Variants in DDX11 observed in about 807,000 individuals in gnomAD.
The protein encoded by DDX11 is ATP-dependent DNA helicase DDX11.
A neutral mutation model predicts 125.2 loss-of-function variants in DDX11; 72 were observed. The ratio of observed to expected loss-of-function variants is 0.58; its 90% confidence interval spans 0.48 to 0.70. The LOEUF (loss-of-function observed/expected upper bound fraction) is 0.70. Among genes scored for constraint, DDX11 ranks in the 30% least tolerant of loss-of-function variants. The pLI, the probability that DDX11 is intolerant of heterozygous loss-of-function variation, is 0.00. For missense variants in DDX11, 883 were observed against 1,165.0 expected (o/e 0.76, Z 3.52); for synonymous variants, 347 against 452.6 (o/e 0.77, Z 2.96).
intron 17 of DDX11, 95 bp downstream of exon 17, chr12:31,097,085 G>A: frequency 6.5e-7 from 1 of 1,538,698 alleles, no homozygotes; most frequent in Non-Finnish European, 8.8e-7. Flanking sequence ...CTTCCATCCT[G>A]GGAACTTCCT....
intron 5 of DDX11, chr12:31,086,023 A>G (rs1487970869): frequency 2.2e-6 from 1 of 454,314 alleles, no homozygotes; most frequent in South Asian, 1.6e-5. Context: ...GTCTGTCTGC[A>G]GGGCGCCTTC....
chr12:31,094,527 G>A, intron 12 of DDX11, 63 bp from the exon 13 acceptor site: 2 of 1,436,220 alleles, frequency 1.4e-6, no homozygotes, highest in Non-Finnish European at 9.5e-7. Flanking sequence ...AGGGAGAGAA[G>A]ATAGGGAAGG....
chr12:31,079,421 G>A (rs1430379548), intron 2 of DDX11, among the ~76,000 whole-genome samples: 1 of 140,348 alleles, frequency 7.1e-6, no homozygotes, highest in Non-Finnish European at 1.5e-5. Context: ...GAAAGTTGAA[G>A]ATCCAGATTC....
chr12:31,089,820 C>T (rs1224856153), intron 8 of DDX11, 66 bp from the exon 9 acceptor site: 1 of 1,564,346 alleles, frequency 6.4e-7, no homozygotes, highest in Non-Finnish European at 8.7e-7. Context: ...TACACAACCC[C>T]CTCTTGGGCC....
intron 11 of DDX11, 35 bp from the exon 12 acceptor site, chr12:31,093,210 G>A (rs758746141): frequency 2.0e-5 from 32 of 1,594,988 alleles, no homozygotes; most frequent in Non-Finnish European, 2.5e-5. Flanking sequence ...CGCCATCAGG[G>A]CACCACCACT....
intron 2 of DDX11, among the ~76,000 whole-genome samples, chr12:31,079,762 A>G (rs1427113616): frequency 2.0e-5 from 3 of 152,174 alleles, no homozygotes; most frequent in Non-Finnish European, 4.4e-5. Context: ...GGCTGGCAAG[A>G]TCCAAGATTA....
intron 3 of DDX11, 38 bp downstream of exon 3, chr12:31,084,099 G>T (rs1397862520): frequency 1.2e-5 from 20 of 1,610,278 alleles, no homozygotes; most frequent in Non-Finnish European, 1.4e-5. Context: ...AGTACTGGAG[G>T]AAACAGGGCT....
At chr12:31,090,809 A>G (rs1301246406) in intron 9 of DDX11, among the ~76,000 whole-genome samples, 2 of 152,234 alleles carry the variant, frequency 1.3e-5, no homozygotes, top group Non-Finnish European at 2.9e-5. Flanking sequence ...TTTGCACAGC[A>G]GCTAAATGCT....
chr12:31,088,026 G>T lies in DDX11; in HGVS notation c.684+43G>T, dbSNP rs7309189. On this transcript the variant is annotated intron_variant, in intron 6 of 26. Coordinates refer to ENST00000542838, the MANE Select transcript of DDX11 (RefSeq NM_030653.4). ...AGCTGGTGCTGTGCTGGGGGTATAG[G>T]CTGGGCTGTGCACCCCTGGGGAGGA... 3 of 1,599,706 alleles carry T rather than the reference G, an allele frequency of 1.9e-6. No homozygotes were observed. In the African/African-American group the frequency reaches 4.0e-5, roughly 21 times the overall value.
rs746615037 is a variant in DDX11 at position 31,103,968 on chromosome 12, G to A, written c.*132G>A. On this transcript the variant is annotated 3_prime_UTR_variant, in exon 27 of 27. Coordinates refer to ENST00000542838, the MANE Select transcript of DDX11 (RefSeq NM_030653.4). Reference sequence around the variant, plus strand: ...ACCCAGGAGGAGAGTGTGGAGTCCAGAGTGCTGCCAGGACCCAGGCACAGG... The same window carrying A: ...ACCCAGGAGGAGAGTGTGGAGTCCAAAGTGCTGCCAGGACCCAGGCACAGG... 6.3e-6 allele frequency: 10 copies of A among 1,587,662 alleles called. No homozygotes were observed. Among genetic ancestry groups the A allele is most frequent in the Non-Finnish European group, 8.6e-6 (10 of 1,168,124 alleles).
chr12:31,088,042 C>T, intron 6 of DDX11, 59 bp downstream of exon 6: 2 of 1,600,818 alleles, frequency 1.2e-6, no homozygotes, highest in East Asian at 2.2e-5. Flanking sequence ...CTGTGCACCC[C>T]TGGGGAGGAG....
intron 1 of DDX11, chr12:31,077,799 G>C: frequency 5.5e-6 from 1 of 182,374 alleles, no homozygotes. Flanking sequence ...AGCCGAGATT[G>C]CGCCACTGCA....
In DDX11 at chr12:31,103,149, G is replaced by T; in HGVS notation, c.2457+129G>T. On this transcript the variant is annotated intron_variant, in intron 24 of 26. Transcript: ENST00000542838. The stretch of plus-strand genomic sequence containing the variant: ...CGTCTCCTGCCCCCTCCGGAAGCTT[G>T]GATGCCCCTCCACACCCTCTTGATC... The T allele has an allele frequency of 3.1e-6, 4 of 1,306,860 alleles. No homozygotes were observed. In the South Asian group the frequency reaches 5.0e-5, roughly 16 times the overall value. The allele number at this position is 1,306,860 out of a possible 1,614,324, so 81.0% of individuals were successfully genotyped here. A position where few individuals can be genotyped will look rare whatever the true frequency, so the allele number is the denominator to read the frequency against.
In DDX11 at chr12:31,104,058, G is replaced by A. The variant is rs1946870179; in HGVS notation, c.*222G>A. 3 of 1,541,844 alleles carry A rather than the reference G, an allele frequency of 1.9e-6. No homozygotes were observed. Among genetic ancestry groups the A allele is most frequent in the Non-Finnish European group, 2.6e-6 (3 of 1,141,916 alleles). On this transcript the variant is annotated 3_prime_UTR_variant, in exon 27 of 27. Transcript: ENST00000542838. ...AACAGTGGGTCCTGGCTGTCCTTGG[G>A]GCGTTCCAGGGCAGCTCCCCTCCTG...
intron 14 of DDX11, 108 bp from the exon 15 acceptor site, chr12:31,096,233 A>G: frequency 2.2e-6 from 3 of 1,379,524 alleles, no homozygotes; most frequent in Non-Finnish European, 3.0e-6. Context: ...AGAAGGTAGC[A>G]CTGCGTTGTG....
intron 17 of DDX11, among the ~76,000 whole-genome samples, chr12:31,097,594 T>G (rs1406417211): frequency 6.8e-6 from 1 of 146,416 alleles, no homozygotes; most frequent in Admixed American, 6.9e-5. Context: ...GCAGGAAAAT[T>G]GCTTGAACCC....
rs759633027 is a variant in DDX11 at position 31,101,899 on chromosome 12, T to G, written c.2119T>G (p.Phe707Val). Reference sequence around the variant, plus strand: ...GGTTCCTGGAGGGGTGGTCTGTTTCTTCCCCTCCTACGAGTACCTGCGCCA... The same window carrying G: ...GGTTCCTGGAGGGGTGGTCTGTTTCGTCCCCTCCTACGAGTACCTGCGCCA... ...GVVPGGVVCF[F>V]PSYEYLRQVH... The change falls in exon 21 of 27, where the codon TTC becomes GTC. Residue 707 changes from phenylalanine (F) to valine (V), a missense_variant. Physicochemically the swap from Phe to Val is conservative, Grantham distance 50 (BLOSUM62 -1). Around this residue, in one of 5 missense-constraint regions of DDX11, gnomAD observed 285 missense variants for 346.0 expected, o/e 0.82. Coordinates refer to ENST00000542838, the MANE Select transcript of DDX11 (RefSeq NM_030653.4). The G allele has an allele frequency of 6.2e-7, 1 of 1,613,880 alleles. No homozygotes were observed.
In DDX11 at chr12:31,101,090, C is replaced by G; in HGVS notation, c.2012C>G (p.Pro671Arg). The G allele has an allele frequency of 1.2e-6, 2 of 1,614,196 alleles. No homozygotes were observed. Among genetic ancestry groups the G allele is most frequent in the Non-Finnish European group, 1.7e-6 (2 of 1,180,040 alleles). ...ATCTGCAGCGGGATCTCCAACCAGC[C>G]GCTGGAATTCACGTTCCAGAAAAGA... ...LVICSGISNQ[P>R]LEFTFQKREL... The change falls in exon 20 of 27, where the codon CCG becomes CGG. Residue 671 changes from proline to arginine, a missense_variant. Coordinates refer to ENST00000542838, the MANE Select transcript of DDX11 (RefSeq NM_030653.4).
chr12:31,083,333 A>AC (rs1942389516), intron 2 of DDX11, among the ~76,000 whole-genome samples: 1 of 150,920 alleles, frequency 6.6e-6, no homozygotes, highest in Admixed American at 6.6e-5. Flanking sequence ...AAACAAAACA[A>AC]AACACAAACC....
Sources: allele counts gnomAD v4.1 joint callset (sites outside exome capture counted in the v4.1 genomes callset), GRCh38; gene constraint gnomAD v4.1.1; regional missense constraint gnomAD v4.1.1; transcripts MANE v1.5; gene names NCBI Gene and HGNC (gene_info 2026-07-23, HGNC 2026-07-21).